CLIP2: variants seen among roughly 807,000 people sequenced by gnomAD.
The protein encoded by CLIP2 is CAP-Gly domain containing linker protein 2, also known as CAP-Gly domain-containing linker protein 2.
In CLIP2, 41 loss-of-function variants were observed where a neutral mutation model predicts 111.7. The observed-to-expected ratio is 0.37, with a 90% CI of 0.29 to 0.48. CLIP2 has a LOEUF of 0.48. CLIP2 is among the 20% of genes least tolerant of loss of function. The pLI, the probability that CLIP2 is intolerant of heterozygous loss-of-function variation, is 0.99. For synonymous variants in CLIP2, 660 were observed against 644.2 expected, an observed-to-expected ratio of 1.02 and a Z score of -0.37; for missense variants, 1,160 against 1,422.1, an observed-to-expected ratio of 0.82 and a Z score of 2.96.
At chr7:74,293,997 A>G (rs1374754280) in intron 1 of CLIP2, among the ~76,000 whole-genome samples, 1 of 151,026 alleles carries the variant, frequency 6.6e-6, no homozygotes, top group African/African-American at 2.4e-5. Flanking sequence ...GCTCACCACA[A>G]CCTCTGCCTC....
chr7:74,374,218 A>T (rs114652174), intron 9 of CLIP2, among the ~76,000 whole-genome samples: 2,696 of 152,352 alleles, frequency 0.018, 78 homozygotes, highest in African/African-American at 0.061. Context: ...GTCTCCGTGC[A>T]CAAGTGGCTG....
intron 9 of CLIP2, 59 bp downstream of exon 9, chr7:74,373,095 C>T: frequency 1.0e-6 from 1 of 971,940 alleles, no homozygotes; most frequent in Non-Finnish European, 1.6e-6. Flanking sequence ...GATGCCCCCT[C>T]TGGCTTCTCT....
At chr7:74,352,921 A>G (rs1554307828) in intron 3 of CLIP2, among the ~76,000 whole-genome samples, 1 of 152,030 alleles carries the variant, frequency 6.6e-6, no homozygotes, top group Non-Finnish European at 1.5e-5. Context: ...CTGAGGCAGG[A>G]GGATTGCTTG....
At chr7:74,345,072 C>G (rs1459628227) in intron 3 of CLIP2, among the ~76,000 whole-genome samples, 1 of 152,102 alleles carries the variant, frequency 6.6e-6, no homozygotes, top group Non-Finnish European at 1.5e-5. Context: ...GTAACAGTAC[C>G]CGCCTCATGG....
At chr7:74,385,521 C>G (rs1791064901) in intron 11 of CLIP2, among the ~76,000 whole-genome samples, 1 of 151,050 alleles carries the variant, frequency 6.6e-6, no homozygotes, top group African/African-American at 2.4e-5. Context: ...GTATTACATT[C>G]CCTTTATAAA....
At chr7:74,345,026 C>T (rs543225517) in intron 3 of CLIP2, among the ~76,000 whole-genome samples, 1 of 152,254 alleles carries the variant, frequency 6.6e-6, no homozygotes, top group African/African-American at 2.4e-5. Context: ...CACTCCCTGG[C>T]TACTCTGAAC....
At chr7:74,335,783 C>T (rs1460265856) in intron 2 of CLIP2, among the ~76,000 whole-genome samples, 1 of 150,124 alleles carries the variant, frequency 6.7e-6, no homozygotes, top group Non-Finnish European at 1.5e-5. Context: ...CACTCTGTCG[C>T]CCAGGCTAGA....
chr7:74,353,877 C>T lies in CLIP2; in HGVS notation c.679-3C>T, dbSNP rs371875885. On this transcript the variant is annotated splice_polypyrimidine_tract_variant and splice_region_variant and intron_variant, in intron 3 of 16. Transcript: ENST00000223398. ...AGACCTGAGTCTCCCTGTGTGCCGACAGGTTGGCGGGACGAAGACTGGCGT... is the reference window on the plus strand; with the variant it reads ...AGACCTGAGTCTCCCTGTGTGCCGATAGGTTGGCGGGACGAAGACTGGCGT... 35 of 1,614,058 alleles carry T rather than the reference C, an allele frequency of 2.2e-5. No homozygotes were observed. The highest frequency in any genetic ancestry group is 2.9e-5 in the Non-Finnish European group (34 of 1,180,030).
intron 11 of CLIP2, among the ~76,000 whole-genome samples, chr7:74,386,109 G>A (rs1458864767): frequency 6.8e-6 from 1 of 147,294 alleles, no homozygotes; most frequent in Non-Finnish European, 1.5e-5. Flanking sequence ...GTGCAATGGC[G>A]CTATCTTGGC....
intron 2 of CLIP2, among the ~76,000 whole-genome samples, chr7:74,321,836 G>A (rs1554730069): frequency 6.6e-6 from 1 of 151,814 alleles, no homozygotes. Flanking sequence ...GTAGTGTACA[G>A]TCATCAGTCA....
Position 74,376,393 on chromosome 7 carries a change from G to A in CLIP2, c.1992G>A (p.Leu664=), listed in dbSNP as rs144966399. 4 of 1,613,946 alleles carry A rather than the reference G, an allele frequency of 2.5e-6. No individual in the cohort carries two copies. In the African/African-American group the frequency reaches 5.3e-5, roughly 22 times the overall value. ...TCAAGATGGAGCACCAGCTGGAGCT[G>A]GGTAACTTGCAGGCCAAGCATGACC... ...EGIKMEHQLE[L]GNLQAKHDLE... is the part of the protein sequence containing the mutation. Residue 664 remains leucine, a synonymous_variant, in exon 10 of 17, where the codon CTG becomes CTA. Transcript: ENST00000223398. The surrounding 1 kb of genome is among the most constrained non-coding windows in gnomAD (Gnocchi z 7.1).
chr7:74,364,648 T>C (rs561227312), intron 8 of CLIP2: 93 of 383,384 alleles, frequency 2.4e-4, no homozygotes, highest in African/African-American at 1.7e-3. Context: ...TGCCCCTTCG[T>C]TCATCTTGGA....
chr7:74,330,248 CTT>C (rs10635770), intron 2 of CLIP2, among the ~76,000 whole-genome samples: 1 of 136,470 alleles, frequency 7.3e-6, no homozygotes, highest in Non-Finnish European at 1.6e-5. Context: ...TGTTTCTTTT[CTT>C]TTTTTTTTTT....
At chr7:74,322,807 T>C (rs1789000036) in intron 2 of CLIP2, among the ~76,000 whole-genome samples, 1 of 152,012 alleles carries the variant, frequency 6.6e-6, no homozygotes, top group Admixed American at 6.6e-5. Context: ...CTTGGCTCAC[T>C]GCAACCTTCG....
chr7:74,391,504 G>T (rs1791291513), intron 13 of CLIP2, among the ~76,000 whole-genome samples: 1 of 150,276 alleles, frequency 6.7e-6, no homozygotes, highest in Non-Finnish European at 1.5e-5. Context: ...GAGCCTTTAA[G>T]AAATTAGACT....
chr7:74,390,221 GAA>G (rs1212760910), intron 13 of CLIP2, among the ~76,000 whole-genome samples: 1 of 67,162 alleles, frequency 1.5e-5, no homozygotes, highest in East Asian at 3.6e-4. Flanking sequence ...AAGAAAGAAA[GAA>G]AGGATTAATG....
At chr7:74,367,447 C>A (rs1554311032) in intron 8 of CLIP2, among the ~76,000 whole-genome samples, 1 of 152,216 alleles carries the variant, frequency 6.6e-6, no homozygotes, top group East Asian at 1.9e-4. Context: ...GCCTCAGACT[C>A]CCAGACTGCT....
chr7:74,346,435 CT>C (rs1484803193), intron 3 of CLIP2, among the ~76,000 whole-genome samples: 2 of 152,138 alleles, frequency 1.3e-5, no homozygotes, highest in Non-Finnish European at 2.9e-5. Context: ...GTTTAAAAGT[CT>C]TTGCATCTGG....
chr7:74,370,684 TG>T (rs1554311703), intron 8 of CLIP2, among the ~76,000 whole-genome samples: 1 of 150,232 alleles, frequency 6.7e-6, no homozygotes, highest in Non-Finnish European at 1.5e-5. Flanking sequence ...TTTCTCTTTC[TG>T]GAACACCACA....
Sources: allele counts gnomAD v4.1 joint callset (sites outside exome capture counted in the v4.1 genomes callset), GRCh38; gene constraint gnomAD v4.1.1; non-coding constraint Gnocchi (gnomAD v3.1); transcripts MANE v1.5; gene names NCBI Gene and HGNC (gene_info 2026-07-23, HGNC 2026-07-21).